CNTN3: variants seen among roughly 807,000 people sequenced by gnomAD.
CNTN3 encodes contactin-3.
A neutral mutation model predicts 119.1 loss-of-function variants in CNTN3; 60 were observed. The observed-to-expected ratio is 0.50, with a 90% CI of 0.41 to 0.62. The LOEUF (loss-of-function observed/expected upper bound fraction) is 0.62, where lower values mean the gene tolerates loss of function less well. CNTN3 is among the 20% of genes least tolerant of loss of function. CNTN3 has a pLI of 0.00. For synonymous variants in CNTN3, 450 were observed against 438.7 expected (o/e 1.03, Z -0.32); for missense variants, 1,101 against 1,242.4 (o/e 0.89, Z 1.71).
At chr3:74,329,402 C>G (rs534391098) in intron 13 of CNTN3, among the ~76,000 whole-genome samples, 2 of 152,196 alleles carry the variant, frequency 1.3e-5, no homozygotes, top group Admixed American at 1.3e-4. Flanking sequence ...AGCTGTACAC[C>G]TTGGCTCTAG....
At chr3:74,347,762 G>A (rs1575742571) in intron 11 of CNTN3, among the ~76,000 whole-genome samples, 1 of 152,300 alleles carries the variant, frequency 6.6e-6, no homozygotes, top group Non-Finnish European at 1.5e-5. Context: ...GGTGAACACA[G>A]TATTTCTCAA....
chr3:74,285,282 C>T lies in CNTN3; in HGVS notation c.2704+23G>A, dbSNP rs759197715. 2.5e-6 allele frequency: 4 copies of T among 1,578,710 alleles called. No homozygotes were observed. In the South Asian group the frequency reaches 3.5e-5, roughly 14 times the overall value. On this transcript the variant is annotated intron_variant, in intron 20 of 22. Transcript: ENST00000263665. ...AATGCAAACTATTTTCCGTACCATTCAAAGAAATCAGAATATACTTACGCG... is the reference window on the plus strand; with the variant it reads ...AATGCAAACTATTTTCCGTACCATTTAAAGAAATCAGAATATACTTACGCG...
chr3:74,521,000 G>T, intron 2 of CNTN3, 58 bp downstream of exon 2: 1 of 929,164 alleles, frequency 1.1e-6, no homozygotes, highest in Non-Finnish European at 1.6e-6. Flanking sequence ...AATTATGTAA[G>T]CATATGACTC....
chr3:74,347,995 A>G (rs1703732296), intron 11 of CNTN3, among the ~76,000 whole-genome samples: 1 of 152,100 alleles, frequency 6.6e-6, no homozygotes, highest in Non-Finnish European at 1.5e-5. Context: ...TACAGTTGGA[A>G]AAAAAAAGTA....
intron 13 of CNTN3, among the ~76,000 whole-genome samples, chr3:74,319,029 T>A (rs573208230): frequency 6.6e-6 from 1 of 152,240 alleles, no homozygotes; most frequent in Admixed American, 6.5e-5. Context: ...TACAAACAAA[T>A]GGAAGAACAT....
At chr3:74,324,943 T>G (rs1379755928) in intron 13 of CNTN3, among the ~76,000 whole-genome samples, 3 of 152,204 alleles carry the variant, frequency 2.0e-5, no homozygotes, top group African/African-American at 7.2e-5. Context: ...CCTGCTGTGC[T>G]CCAAAGAATT....
Position 74,266,482 on chromosome 3 carries a change from G to T in CNTN3, c.2985C>A (p.Thr995=). The change falls in exon 22 of 23, where the codon ACC becomes ACA. Residue 995 remains threonine (T), a splice_region_variant and synonymous_variant. Transcript: ENST00000263665. ...SSEQIRIPRI[T]SMDARGSTSA... ...AAATAATGGCTTCAACCAACTTACT[G>T]GTTATTCGTGGAATCCTGATCTGTT... 1 of 1,612,418 alleles carries T rather than the reference G, an allele frequency of 6.2e-7. No individual in the cohort carries two copies. The highest frequency in any genetic ancestry group is 8.5e-7 in the Non-Finnish European group (1 of 1,178,894).
chr3:74,529,490 T>A (rs1002720892), intron 1 of CNTN3, among the ~76,000 whole-genome samples: 1 of 148,346 alleles, frequency 6.7e-6, no homozygotes, highest in African/African-American at 2.4e-5. Context: ...TGTTTTTATA[T>A]AGTTATCAAA....
intron 3 of CNTN3, among the ~76,000 whole-genome samples, chr3:74,494,588 G>T (rs546274683): frequency 6.6e-6 from 1 of 152,148 alleles, no homozygotes; most frequent in African/African-American, 2.4e-5. Context: ...ATAAGACTCA[G>T]TACAAATTTA....
intron 1 of CNTN3, among the ~76,000 whole-genome samples, chr3:74,545,891 G>A (rs1048979517): frequency 4.6e-5 from 7 of 152,078 alleles, no homozygotes; most frequent in Admixed American, 1.3e-4. Context: ...AGGGAAATTT[G>A]AGACTAGGGT....
chr3:74,583,566 C>A (rs1287793169), intron 1 of CNTN3, among the ~76,000 whole-genome samples: 2 of 152,028 alleles, frequency 1.3e-5, no homozygotes, highest in Non-Finnish European at 2.9e-5. Context: ...ACGTGGGGAA[C>A]TGGGGAGATA....
chr3:74,358,596 G>GTTTTATTT (rs1559562150), intron 11 of CNTN3, among the ~76,000 whole-genome samples: 1 of 137,576 alleles, frequency 7.3e-6, no homozygotes. Context: ...TTTTTTTTTT[G>GTTTTATTT]ATTTATTTAT....
intron 11 of CNTN3, among the ~76,000 whole-genome samples, chr3:74,351,955 A>G (rs1703826191): frequency 6.6e-6 from 1 of 152,208 alleles, no homozygotes; most frequent in South Asian, 2.1e-4. Flanking sequence ...GGGTTGGGGA[A>G]GCCAGGTCAG....
chr3:74,349,961 C>T (rs946192568), intron 11 of CNTN3, among the ~76,000 whole-genome samples: 3 of 152,198 alleles, frequency 2.0e-5, no homozygotes, highest in African/African-American at 7.2e-5. Flanking sequence ...ATTCATTAAC[C>T]TGCATTCCCC....
At chr3:74,286,415 G>C (rs1702117203) in intron 19 of CNTN3, among the ~76,000 whole-genome samples, 1 of 151,820 alleles carries the variant, frequency 6.6e-6, no homozygotes, top group Non-Finnish European at 1.5e-5. Flanking sequence ...AATCAGATTT[G>C]AAAAATAATA....
chr3:74,354,801 C>A (rs940087577), intron 11 of CNTN3, among the ~76,000 whole-genome samples: 1 of 151,910 alleles, frequency 6.6e-6, no homozygotes, highest in Admixed American at 6.5e-5. Context: ...AATAGTTGAG[C>A]ACCAGGTGAC....
At chr3:74,353,195 CAG>C (rs374801226) in intron 11 of CNTN3, among the ~76,000 whole-genome samples, 348 of 152,230 alleles carry the variant, frequency 2.3e-3, no homozygotes, top group African/African-American at 8.0e-3. Flanking sequence ...TTGATAGTGA[CAG>C]AGTTTCTAGA....
At chr3:74,484,305 C>T (rs1227016376) in intron 4 of CNTN3, among the ~76,000 whole-genome samples, 1 of 151,968 alleles carries the variant, frequency 6.6e-6, no homozygotes, top group African/African-American at 2.4e-5. Flanking sequence ...GGAAACCCTG[C>T]CTCTAAGATC....
intron 2 of CNTN3, among the ~76,000 whole-genome samples, chr3:74,504,299 G>A (rs1242844852): frequency 6.6e-6 from 1 of 152,094 alleles, no homozygotes; most frequent in African/African-American, 2.4e-5. Context: ...AATGTAAGAG[G>A]ACATAAATTT....
Sources: allele counts gnomAD v4.1 joint callset (sites outside exome capture counted in the v4.1 genomes callset), GRCh38; gene constraint gnomAD v4.1.1; transcripts MANE v1.5; gene names NCBI Gene and HGNC (gene_info 2026-07-23, HGNC 2026-07-21).